The following RERG variants were observed in gnomAD, a reference collection of about 807,000 sequenced individuals.
The protein encoded by RERG is ras-related and estrogen-regulated growth inhibitor.
RERG carries 25 observed loss-of-function variants against 23.2 expected under a neutral mutation model. The ratio of observed to expected loss-of-function variants is 1.08; its 90% CI spans 0.79 to 1.50. RERG has a LOEUF of 1.50. Among genes scored for constraint, RERG ranks in the 40% most tolerant of loss-of-function variants. The pLI is 0.00. For missense variants in RERG, 253 were observed against 250.1 expected (o/e 1.01, Z -0.08); for synonymous variants, 81 against 89.1 (o/e 0.91, Z 0.51).
At chr12:15,112,904 G>GA (rs950525450) in intron 3 of RERG, among the ~76,000 whole-genome samples, 1 of 152,110 alleles carries the variant, frequency 6.6e-6, no homozygotes, top group African/African-American at 2.4e-5. Flanking sequence ...GACGCATGAG[G>GA]AAAAAGCTCT....
At chr12:15,149,207 G>A (rs1431780885) in intron 2 of RERG, among the ~76,000 whole-genome samples, 6 of 151,942 alleles carry the variant, frequency 3.9e-5, no homozygotes, top group African/African-American at 1.5e-4. Flanking sequence ...ATCTAATAGT[G>A]ACTGAGAAAA....
At chr12:15,164,866 A>G (rs1044434647) in intron 2 of RERG, among the ~76,000 whole-genome samples, 10 of 152,200 alleles carry the variant, frequency 6.6e-5, no homozygotes, top group Admixed American at 2.6e-4. Flanking sequence ...TTGCACCTGG[A>G]GAGAATCCAA....
intron 2 of RERG, among the ~76,000 whole-genome samples, chr12:15,191,138 A>G (rs7134065): frequency 0.15 from 23,165 of 152,002 alleles, 2,628 homozygotes; most frequent in African/African-American, 0.32. Flanking sequence ...GACAGGACTC[A>G]TTAGGGGTGC....
chr12:15,193,561 A>G (rs560070309), intron 2 of RERG, among the ~76,000 whole-genome samples: 1 of 152,002 alleles, frequency 6.6e-6, no homozygotes, highest in Non-Finnish European at 1.5e-5. Context: ...TTAACTCTAC[A>G]CTCATCCCAT....
intron 3 of RERG, among the ~76,000 whole-genome samples, chr12:15,113,606 C>T (rs1296722138): frequency 6.6e-6 from 1 of 151,576 alleles, no homozygotes; most frequent in East Asian, 1.9e-4. Context: ...GAAACTACTT[C>T]CAATAGTAGT....
At chr12:15,121,195 G>T in intron 2 of RERG, 76 bp from the exon 3 acceptor site, 3 of 1,066,992 alleles carry the variant, frequency 2.8e-6, no homozygotes, top group Non-Finnish European at 4.3e-6. Context: ...TAAGGAAAGC[G>T]AAATGCTCCA....
chr12:15,212,492 A>G (rs1489437343), intron 2 of RERG, among the ~76,000 whole-genome samples: 1 of 152,234 alleles, frequency 6.6e-6, no homozygotes, highest in African/African-American at 2.4e-5. Flanking sequence ...TTATATAACT[A>G]TAAAACATGC....
At position 15,161,226 on chromosome 12, in the gene RERG, G is replaced by GAAACAAAC. The variant is rs1168236153; in HGVS notation, c.62-40108_62-40107insGTTTGTTT. 4.9e-5 allele frequency among the ~76,000 whole-genome samples: 6 copies of GAAACAAAC among 123,470 alleles called. No homozygotes were observed. The South Asian group carries it at 1.0e-3, about 21-fold the overall frequency. 81.0% of individuals were successfully genotyped at this position (123,470 alleles called of 152,430 possible). A position where few individuals can be genotyped will look rare whatever the true frequency, so the allele number is the denominator to read the frequency against. On this transcript the variant is annotated intron_variant, in intron 2 of 4. Transcript: ENST00000256953. ...AGAAAGAAAGAAAGAAAGAAAGAAA[G>GAAACAAAC]AAACAGGGGCATCACTTAGTGTTTT...
chr12:15,109,032 A>G lies in RERG; in HGVS notation c.*78T>C. On this transcript the variant is annotated 3_prime_UTR_variant, in exon 5 of 5. Coordinates refer to ENST00000256953, the MANE Select transcript of RERG (RefSeq NM_032918.3). ...TCTCAGAATCCAAACAAAGAATGCA[A>G]TATTTTGTTTTATTTTTGAAAGGGG... The G allele has an allele frequency of 1.5e-6, 2 of 1,319,904 alleles. No individual in the cohort carries two copies. Among genetic ancestry groups the G allele is most frequent in the Non-Finnish European group, 2.1e-6 (2 of 962,958 alleles). 81.8% of individuals were successfully genotyped at this position (1,319,904 alleles called of 1,614,324 possible).
In RERG at chr12:15,111,433, A is replaced by T. The variant is rs1363738590; in HGVS notation, c.119-16T>A. The T allele has an allele frequency of 1.3e-6, 2 of 1,584,752 alleles. No homozygotes were observed. Among genetic ancestry groups the T allele is most frequent in the Non-Finnish European group, 1.7e-6 (2 of 1,162,718 alleles). On this transcript the variant is annotated splice_polypyrimidine_tract_variant and intron_variant, in intron 3 of 4. Transcript: ENST00000256953. ...TAGGTTGATTCTAAGGGAATGAGCA[A>T]ATAAAAAAGACAAAAAGATAAATAA...
chr12:15,121,327 G>T (rs112397181), intron 2 of RERG, among the ~76,000 whole-genome samples: 101 of 152,200 alleles, frequency 6.6e-4, no homozygotes, highest in African/African-American at 2.3e-3. Context: ...ATTTGAATGG[G>T]TTTATTGTGC....
chr12:15,127,636 C>T (rs1863971944), intron 2 of RERG, among the ~76,000 whole-genome samples: 1 of 152,006 alleles, frequency 6.6e-6, no homozygotes, highest in South Asian at 2.1e-4. Flanking sequence ...GCATTATTCA[C>T]AAAAATAGAG....
intron 2 of RERG, among the ~76,000 whole-genome samples, chr12:15,132,407 T>A (rs1864064596): frequency 6.6e-6 from 1 of 152,234 alleles, no homozygotes; most frequent in East Asian, 1.9e-4. Flanking sequence ...AATATTCTAT[T>A]GTATAGATAT....
chr12:15,218,220 G>C (rs894547548), intron 1 of RERG, among the ~76,000 whole-genome samples: 2 of 152,110 alleles, frequency 1.3e-5, no homozygotes, highest in Admixed American at 1.3e-4. Context: ...GTACAAAAAC[G>C]ATAAATGCCA....
intron 2 of RERG, among the ~76,000 whole-genome samples, chr12:15,189,376 T>C (rs1222849781): frequency 6.6e-6 from 1 of 152,198 alleles, no homozygotes; most frequent in Non-Finnish European, 1.5e-5. Flanking sequence ...TTTCACTTGC[T>C]GTTTCCTTTT....
chr12:15,117,675 G>GCGCGCGCGCACA lies in RERG; in HGVS notation c.118+3387_118+3388insTGTGCGCGCGCG, dbSNP rs1555119493. 7.4e-3 allele frequency among the ~76,000 whole-genome samples: 1,079 copies of GCGCGCGCGCACA among 145,092 alleles called. 15 individuals carry two copies. The highest frequency in any genetic ancestry group is 0.028 in the African/African-American group (1,022 of 36,322). On this transcript the variant is annotated intron_variant, in intron 3 of 4. Coordinates refer to ENST00000256953, the MANE Select transcript of RERG (RefSeq NM_032918.3). ...CTCCAAATGCCTCCATCACACACGC[G>GCGCGCGCGCACA]CACACACACACACACACACACACAC...
chr12:15,162,127 A>G (rs1254607377), intron 2 of RERG, among the ~76,000 whole-genome samples: 1 of 152,338 alleles, frequency 6.6e-6, no homozygotes, highest in South Asian at 2.1e-4. Flanking sequence ...TGAATCTCTT[A>G]TGAATTTCAG....
chr12:15,196,547 C>A (rs1865147036), intron 2 of RERG, among the ~76,000 whole-genome samples: 1 of 152,128 alleles, frequency 6.6e-6, no homozygotes, highest in African/African-American at 2.4e-5. Context: ...GTCCTCAGCT[C>A]CCAAGACTGT....
chr12:15,121,252 A>C (rs1179344518), intron 2 of RERG, 133 bp from the exon 3 acceptor site: 2 of 646,858 alleles, frequency 3.1e-6, no homozygotes, highest in African/African-American at 3.7e-5. Context: ...TAAAACAAAT[A>C]AATTTTTTTA....
Sources: gnomAD v4.1 joint callset for allele counts (sites outside exome capture counted in the v4.1 genomes callset) on GRCh38, gnomAD v4.1.1 for gene constraint, MANE v1.5 for transcripts, NCBI Gene and HGNC (gene_info 2026-07-23, HGNC 2026-07-21) for gene names.